Variants in RP1 observed in about 807,000 individuals in gnomAD.
The protein encoded by RP1 is RP1 axonemal microtubule associated, also known as oxygen-regulated protein 1.
A neutral mutation model predicts 14.8 loss-of-function variants in RP1; 16 were observed. The ratio of observed to expected loss-of-function variants is 1.08; its 90% confidence interval spans 0.73 to 1.65. The LOEUF is 1.65. Ranked by LOEUF, RP1 falls within the 40% of genes most tolerant of loss-of-function variation. The pLI is 0.00. For missense variants in RP1, 2,631 were observed against 2,535.0 expected, an observed-to-expected ratio of 1.04 and a Z score of -0.81; for synonymous variants, 876 against 883.6, an observed-to-expected ratio of 0.99 and a Z score of 0.15.
At chr8:54,795,780 A>T (rs1340069377) in intron 24 of RP1, among the ~76,000 whole-genome samples, 1 of 151,750 alleles carries the variant, frequency 6.6e-6, no homozygotes, top group Non-Finnish European at 1.5e-5. Flanking sequence ...AGCCATCCTT[A>T]TTTTTTCTTG....
intron 24 of RP1, among the ~76,000 whole-genome samples, chr8:54,785,016 A>G (rs1016968765): frequency 1.4e-4 from 22 of 152,082 alleles, no homozygotes; most frequent in African/African-American, 5.3e-4. Context: ...CATATATTGT[A>G]TAATGATCAA....
chr8:54,636,057 A>T (rs1176142533), intron 3 of RP1, among the ~76,000 whole-genome samples: 9 of 152,142 alleles, frequency 5.9e-5, no homozygotes, highest in Non-Finnish European at 1.0e-4. Context: ...CCTTTCTGGG[A>T]ACTGTGAATA....
At chr8:54,754,084 G>A (rs538839498) in intron 19 of RP1, among the ~76,000 whole-genome samples, 4 of 152,282 alleles carry the variant, frequency 2.6e-5, no homozygotes, top group Admixed American at 2.0e-4. Flanking sequence ...ATAAAGGGAA[G>A]GGGCCTTTGT....
chr8:54,797,635 TC>T (rs1211439806), intron 24 of RP1, among the ~76,000 whole-genome samples: 1 of 152,066 alleles, frequency 6.6e-6, no homozygotes, highest in Admixed American at 6.6e-5. Context: ...GTTAAAACTA[TC>T]CTTCCAATTT....
chr8:54,625,586 A>C lies in RP1; in HGVS notation c.1704A>C (p.Ser568=), dbSNP rs1223453949. The change falls in exon 4 of 4, where the codon TCA becomes TCC. Residue 568 remains serine (S), a synonymous_variant. Coordinates refer to ENST00000220676, the MANE Select transcript of RP1 (RefSeq NM_006269.2). ...TGTCACATAATAATGGTTTGCCATC[A>C]ACTATATCAAATAACTCAATTGTGG... ...LEMSHNNGLP[S]TISNNSIVEE... The C allele has an allele frequency of 3.7e-6, 6 of 1,614,014 alleles. No individual in the cohort carries two copies. Among genetic ancestry groups the C allele is most frequent in the Middle Eastern group, 1.6e-4 (1 of 6,082 alleles).
intron 24 of RP1, among the ~76,000 whole-genome samples, chr8:54,832,962 T>C (rs1811568071): frequency 6.6e-6 from 1 of 152,056 alleles, no homozygotes; most frequent in Non-Finnish European, 1.5e-5. Context: ...TAAAGTCTTT[T>C]TCTAAAGTCA....
At chr8:54,660,113 A>G (rs1297023409) in intron 6 of RP1, among the ~76,000 whole-genome samples, 3 of 152,124 alleles carry the variant, frequency 2.0e-5, no homozygotes, top group African/African-American at 4.8e-5. Flanking sequence ...TTCTACATAT[A>G]TAACCTGCAA....
At chr8:54,837,552 A>G (rs867555799) in exon 25 of RP1, 3 of 1,231,706 alleles carry the variant, frequency 2.4e-6, no homozygotes, top group Middle Eastern at 6.2e-4. Context: ...ACTTGAAAAT[A>G]TAGCCACATA....
chr8:54,621,458 G>T lies in RP1; in HGVS notation c.492G>T (p.Pro164=). ...RSLVVFRNGD[P]KTRRAVLLSR... ...TAGTGGTCTTCAGGAATGGCGACCCGAAGACGAGGCGTGCGGTTCTTCTGA... is the reference window on the plus strand; with the variant it reads ...TAGTGGTCTTCAGGAATGGCGACCCTAAGACGAGGCGTGCGGTTCTTCTGA... Residue 164 remains proline (P), a synonymous_variant, in exon 2 of 4, where the codon CCG becomes CCT. Transcript: ENST00000220676. The T allele has an allele frequency of 1.2e-6, 2 of 1,613,946 alleles. No individual in the cohort carries two copies. Among genetic ancestry groups the T allele is most frequent in the Non-Finnish European group, 1.7e-6 (2 of 1,180,028 alleles).
chr8:54,716,011 T>C (rs967310265), intron 15 of RP1, among the ~76,000 whole-genome samples: 5 of 152,260 alleles, frequency 3.3e-5, no homozygotes, highest in African/African-American at 4.8e-5. Flanking sequence ...AGATCTTTAA[T>C]GTAAAATGAC....
intron 16 of RP1, among the ~76,000 whole-genome samples, chr8:54,722,521 C>T (rs561021066): frequency 9.9e-5 from 15 of 152,042 alleles, no homozygotes; most frequent in Non-Finnish European, 1.8e-4. Context: ...CCGCCCGCCT[C>T]GGCCTCCCAA....
chr8:54,819,498 C>T (rs1480913143), intron 24 of RP1, among the ~76,000 whole-genome samples: 1 of 152,002 alleles, frequency 6.6e-6, no homozygotes, highest in Non-Finnish European at 1.5e-5. Context: ...AGGTCACATT[C>T]TCCTGGATGT....
chr8:54,590,998 T>C lies in RP1; in HGVS notation c.-12-29957T>C, dbSNP rs138023281. ...CCTTTCTTTATCCTATAACCTACAATAGTAAGTCTCAACAGTTCCATTCCA... is the reference window on the plus strand; with the variant it reads ...CCTTTCTTTATCCTATAACCTACAACAGTAAGTCTCAACAGTTCCATTCCA... On this transcript the variant is annotated intron_variant, in intron 1 of 22. Coordinates refer to the RP1 transcript ENST00000636932. Among the ~76,000 whole-genome samples, 6 of 152,300 alleles carry C rather than the reference T, an allele frequency of 3.9e-5. No individual in the cohort carries two copies. The East Asian group carries it at 9.7e-4, about 25-fold the overall frequency.
chr8:54,574,956 C>A lies in RP1; in HGVS notation c.-13+15636C>A, dbSNP rs564376661. ...CTATCAAGGGATTCCTCATTAAAGG[C>A]CATCTTTGGGGATATTTCTATATTT... On this transcript the variant is annotated intron_variant, in intron 1 of 22. Coordinates refer to the RP1 transcript ENST00000636932. Among the ~76,000 whole-genome samples, 25 of 152,276 alleles carry A rather than the reference C, an allele frequency of 1.6e-4. No homozygotes were observed. The East Asian group carries it at 4.4e-3, about 27-fold the overall frequency.
At position 54,732,051 on chromosome 8, in the gene RP1, G is replaced by A. The variant is rs116402068; in HGVS notation, c.2522-2494G>A. On this transcript the variant is annotated intron_variant, in intron 17 of 22. Transcript: ENST00000636932. Reference sequence around the variant, plus strand: ...TTCCAGCTTGGCCAGTGCCTTCCACGATCCTCACATTTCTGTCTCTCCTCT... The same window carrying A: ...TTCCAGCTTGGCCAGTGCCTTCCACAATCCTCACATTTCTGTCTCTCCTCT... 6.1e-3 allele frequency among the ~76,000 whole-genome samples: 928 copies of A among 152,216 alleles called. 4 individuals are homozygous for A. Among genetic ancestry groups the A allele is most frequent in the African/African-American group, 0.021 (873 of 41,526 alleles).
At chr8:54,595,896 C>T (rs1401517259) in intron 1 of RP1, among the ~76,000 whole-genome samples, 1 of 152,122 alleles carries the variant, frequency 6.6e-6, no homozygotes. Context: ...GTGATTTATT[C>T]CTGACCATCA....
In RP1 at chr8:54,690,496, C is replaced by T. The variant is rs1807685262; in HGVS notation, c.1718-8971C>T. 2.0e-5 allele frequency among the ~76,000 whole-genome samples: 3 copies of T among 151,972 alleles called. No homozygotes were observed. In the South Asian group the frequency reaches 6.2e-4, roughly 32 times the overall value. ...TTGTTTTAGATTGGAAATGGATGTG[C>T]TCTAAATTGGGTATTGTCTGGTTCA... On this transcript the variant is annotated intron_variant, in intron 12 of 22. Transcript: ENST00000636932.
chr8:54,770,683 T>C (rs1208232452), downstream of RP1, among the ~76,000 whole-genome samples: 2 of 151,266 alleles, frequency 1.3e-5, no homozygotes, highest in Non-Finnish European at 3.0e-5. Flanking sequence ...TATGCTTTTG[T>C]AAAGTATCTC....
chr8:54,648,996 A>C, exon 4 of RP1: 4 of 1,507,262 alleles, frequency 2.7e-6, no homozygotes, highest in Non-Finnish European at 3.5e-6. Context: ...TAGTAACTGG[A>C]AAGTTTTTAT....
Sources: allele counts gnomAD v4.1 joint callset (sites outside exome capture counted in the v4.1 genomes callset), GRCh38; gene constraint gnomAD v4.1.1; transcripts MANE v1.5; gene names NCBI Gene and HGNC (gene_info 2026-07-23, HGNC 2026-07-21).